Variants in CCDC91 observed in about 807,000 individuals in gnomAD.
The protein encoded by CCDC91 is coiled-coil domain-containing protein 91.
Under a neutral mutation model 63.2 loss-of-function variants are expected in CCDC91, and 48 were observed. That is an observed-to-expected ratio of 0.76 (90% CI 0.60 to 0.97). CCDC91 has a LOEUF of 0.97. Among genes scored for constraint, CCDC91 ranks in the 50% least tolerant of loss-of-function variants. The pLI is 0.00. For synonymous variants in CCDC91, 167 were observed against 165.8 expected (o/e 1.01, Z -0.06); for missense variants, 500 against 494.6 (o/e 1.01, Z -0.10).
rs1592556940 is a variant in CCDC91 at position 28,400,365 on chromosome 12, A to C, written c.762+8954A>C. Among the ~76,000 whole-genome samples, 5 of 27,904 alleles carry C rather than the reference A, an allele frequency of 1.8e-4. 1 individual carries two copies. The highest frequency in any genetic ancestry group is 6.5e-4 in the African/African-American group (5 of 7,688). 18.3% of individuals were successfully genotyped at this position (27,904 alleles called of 152,430 possible). A position where few individuals can be genotyped will look rare whatever the true frequency, so the allele number is the denominator to read the frequency against. On this transcript the variant is annotated intron_variant, in intron 8 of 12. Transcript: ENST00000536442. The stretch of plus-strand genomic sequence containing the variant: ...ACACCCCCACCCCCACCCCCACCCT[A>C]GGACTGGCCCAGGAAACTATTTTTC...
chr12:28,500,245 C>G (rs2141112274), intron 12 of CCDC91, among the ~76,000 whole-genome samples: 1 of 151,410 alleles, frequency 6.6e-6, no homozygotes, highest in Middle Eastern at 3.4e-3. Context: ...GGATATTAGC[C>G]CTTTGTCAGA....
intron 1 of CCDC91, among the ~76,000 whole-genome samples, chr12:28,200,231 C>A (rs947419281): frequency 7.1e-6 from 1 of 141,066 alleles, no homozygotes; most frequent in Non-Finnish European, 1.6e-5. Flanking sequence ...TTGAACTCTT[C>A]TAGTGAATTT....
Position 28,326,391 on chromosome 12 carries a change from G to GTT in CCDC91, c.576+18650_576+18651dup, listed in dbSNP as rs56061389. 5.2e-4 allele frequency among the ~76,000 whole-genome samples: 78 copies of GTT among 149,416 alleles called. 1 individual carries two copies. Among genetic ancestry groups the GTT allele is most frequent in the African/African-American group, 1.1e-3 (46 of 40,802 alleles). The stretch of plus-strand genomic sequence containing the variant: ...TATTTTTATTTTTTATGTTAGAATT[G>GTT]TTTTTTTTTAAATTTATTATTATTA... On this transcript the variant is annotated intron_variant, in intron 6 of 12. Coordinates refer to ENST00000536442, the MANE Select transcript of CCDC91 (RefSeq NM_018318.5).
chr12:28,508,134 T>C (rs1194891901), intron 12 of CCDC91, among the ~76,000 whole-genome samples: 1 of 151,910 alleles, frequency 6.6e-6, no homozygotes, highest in Non-Finnish European at 1.5e-5. Context: ...CTCTGAGTAG[T>C]GCGCCACAGG....
intron 12 of CCDC91, among the ~76,000 whole-genome samples, chr12:28,488,608 C>G (rs1259789128): frequency 6.6e-6 from 1 of 151,710 alleles, no homozygotes; most frequent in Non-Finnish European, 1.5e-5. Flanking sequence ...TACAACTTTA[C>G]TGTGGAATCA....
At chr12:28,352,132 C>T (rs1247954921) in intron 6 of CCDC91, among the ~76,000 whole-genome samples, 1 of 152,046 alleles carries the variant, frequency 6.6e-6, no homozygotes, top group Admixed American at 6.5e-5. Context: ...AAAAATGTAC[C>T]TAAATTAAAA....
At chr12:28,501,830 T>C (rs550717670) in intron 12 of CCDC91, among the ~76,000 whole-genome samples, 176 of 151,496 alleles carry the variant, frequency 1.2e-3, no homozygotes, top group Non-Finnish European at 2.2e-3. Context: ...TGAATCCATC[T>C]GGTCCTGGAC....
At chr12:28,356,109 G>A (rs995464357) in intron 6 of CCDC91, among the ~76,000 whole-genome samples, 1 of 152,068 alleles carries the variant, frequency 6.6e-6, no homozygotes, top group African/African-American at 2.4e-5. Flanking sequence ...GTCATGTGCT[G>A]TTATTTGTTA....
chr12:28,410,974 G>C (rs1947283402), intron 8 of CCDC91, among the ~76,000 whole-genome samples: 1 of 151,584 alleles, frequency 6.6e-6, no homozygotes, highest in Non-Finnish European at 1.5e-5. Flanking sequence ...TATTTTAATG[G>C]TATCATTTTA....
chr12:28,289,684 T>TC (rs1949108857), intron 3 of CCDC91, among the ~76,000 whole-genome samples: 1 of 81,758 alleles, frequency 1.2e-5, no homozygotes, highest in African/African-American at 3.4e-5. Context: ...TCTTTTCTTT[T>TC]CTTTTTTTTT....
intron 12 of CCDC91, among the ~76,000 whole-genome samples, chr12:28,540,495 C>T (rs1020744998): frequency 6.6e-6 from 1 of 152,118 alleles, no homozygotes; most frequent in African/African-American, 2.4e-5. Flanking sequence ...GTGCCAAGGC[C>T]TCTAGCCATA....
At chr12:28,531,835 C>T (rs1024277091) in intron 12 of CCDC91, among the ~76,000 whole-genome samples, 15 of 152,110 alleles carry the variant, frequency 9.9e-5, no homozygotes, top group Non-Finnish European at 1.8e-4. Context: ...AGAATCTCTG[C>T]GTTTCTAGTT....
intron 12 of CCDC91, among the ~76,000 whole-genome samples, chr12:28,500,647 TC>T (rs2141118436): frequency 6.6e-6 from 1 of 151,834 alleles, no homozygotes; most frequent in African/African-American, 2.4e-5. Flanking sequence ...AAGTTTTGAG[TC>T]TAATGAAAAT....
At chr12:28,450,296 T>C in intron 9 of CCDC91, 43 bp downstream of exon 9, 2 of 1,582,846 alleles carry the variant, frequency 1.3e-6, no homozygotes, top group Non-Finnish European at 1.7e-6. Context: ...GAATGTGTTC[T>C]GTTACCTCAA....
At position 28,305,314 on chromosome 12, in the gene CCDC91, A is replaced by G. The variant is rs1375666825; in HGVS notation, c.110-335A>G. 3.9e-5 allele frequency among the ~76,000 whole-genome samples: 6 copies of G among 151,986 alleles called. No individual in the cohort carries two copies. The South Asian group carries it at 1.0e-3, about 26-fold the overall frequency. On this transcript the variant is annotated intron_variant, in intron 3 of 12. Coordinates refer to ENST00000536442, the MANE Select transcript of CCDC91 (RefSeq NM_018318.5). ...GGATTTTTCTGAATGAAATGTATGA[A>G]TATATAATATATATATATGAGTATT...
chr12:28,231,599 G>T (rs1029735313), intron 1 of CCDC91, among the ~76,000 whole-genome samples: 2 of 152,044 alleles, frequency 1.3e-5, no homozygotes, highest in Non-Finnish European at 2.9e-5. Flanking sequence ...TTTTATAAAA[G>T]ACTTTATAAT....
chr12:28,468,415 A>T (rs1434164444), intron 11 of CCDC91, among the ~76,000 whole-genome samples: 1 of 151,956 alleles, frequency 6.6e-6, no homozygotes, highest in Non-Finnish European at 1.5e-5. Flanking sequence ...GCCTGAACAG[A>T]TGAATAAGAA....
chr12:28,247,409 G>A (rs1945818432), intron 1 of CCDC91, among the ~76,000 whole-genome samples: 1 of 151,456 alleles, frequency 6.6e-6, no homozygotes, highest in African/African-American at 2.4e-5. Flanking sequence ...GAACCCGGGA[G>A]GCGGAGCTTG....
At chr12:28,475,896 C>G (rs1951059314) in intron 11 of CCDC91, among the ~76,000 whole-genome samples, 1 of 151,890 alleles carries the variant, frequency 6.6e-6, no homozygotes, top group South Asian at 2.1e-4. Flanking sequence ...TTTAGTAATA[C>G]CTATGAATGG....
Sources: gnomAD v4.1 joint callset for allele counts (sites outside exome capture counted in the v4.1 genomes callset) on GRCh38, gnomAD v4.1.1 for gene constraint, MANE v1.5 for transcripts, NCBI Gene and HGNC (gene_info 2026-07-23, HGNC 2026-07-21) for gene names.